SERPINI1: variants seen among roughly 807,000 people sequenced by gnomAD.
SERPINI1 encodes the protein serpin family I member 1.
In SERPINI1, 19 loss-of-function variants were observed where a neutral mutation model predicts 41.1. The ratio of observed to expected loss-of-function variants is 0.46; its 90% CI spans 0.32 to 0.68. The LOEUF is 0.68. Among genes scored for constraint, SERPINI1 ranks in the 30% least tolerant of loss-of-function variants. The pLI is 0.03. For missense variants in SERPINI1, 460 were observed against 479.2 expected, an observed-to-expected ratio of 0.96 and a Z score of 0.37; for synonymous variants, 138 against 156.6, an observed-to-expected ratio of 0.88 and a Z score of 0.89.
intron 1 of SERPINI1, among the ~76,000 whole-genome samples, chr3:167,736,943 A>C (rs1232219117): frequency 6.6e-6 from 1 of 152,090 alleles, no homozygotes; most frequent in Non-Finnish European, 1.5e-5. Flanking sequence ...ATATTGCAGC[A>C]AATTTTGCTC....
chr3:167,815,823 A>C (rs747182110), intron 6 of SERPINI1, among the ~76,000 whole-genome samples: 6 of 152,312 alleles, frequency 3.9e-5, no homozygotes, highest in Non-Finnish European at 7.3e-5. Context: ...ATGATATGGG[A>C]ATCCAAACGT....
chr3:167,761,953 T>C (rs1726395496), intron 1 of SERPINI1, among the ~76,000 whole-genome samples: 1 of 152,158 alleles, frequency 6.6e-6, no homozygotes, highest in South Asian at 2.1e-4. Context: ...GCTTAAGATA[T>C]TTCCATATGT....
intron 1 of SERPINI1, among the ~76,000 whole-genome samples, chr3:167,773,793 G>C (rs764550822): frequency 1.3e-5 from 2 of 151,980 alleles, no homozygotes; most frequent in Non-Finnish European, 2.9e-5. Flanking sequence ...TAAGTTTATG[G>C]GAGCTTTAAA....
At chr3:167,747,148 CA>C (rs1356050661) in intron 1 of SERPINI1, among the ~76,000 whole-genome samples, 7 of 152,140 alleles carry the variant, frequency 4.6e-5, no homozygotes, top group Non-Finnish European at 8.8e-5. Context: ...GCATATTAAG[CA>C]AAAACACCAA....
rs75804971 is a variant in SERPINI1 at position 167,809,973 on chromosome 3, T to A, written c.979+2632T>A. Among the ~76,000 whole-genome samples, 1,517 of 152,290 alleles carry A rather than the reference T, an allele frequency of 1.0e-2. 12 individuals carry two copies. Among genetic ancestry groups the A allele is most frequent in the Non-Finnish European group, 0.017 (1,139 of 68,012 alleles). On this transcript the variant is annotated intron_variant, in intron 6 of 8. Transcript: ENST00000446050. The stretch of plus-strand genomic sequence containing the variant: ...AGTCTTTCAGTGGGAATTCTTTGAT[T>A]ATTACATTATTAGTTTTGCCAGAGT...
At chr3:167,752,285 C>T (rs1360758644) in intron 1 of SERPINI1, among the ~76,000 whole-genome samples, 1 of 152,184 alleles carries the variant, frequency 6.6e-6, no homozygotes, top group Non-Finnish European at 1.5e-5. Context: ...ACTTTCTTAA[C>T]TCTCCAAGTG....
rs116082017 is a variant in SERPINI1, at chr3:167,814,748, C to G, written c.979+7407C>G. Among the ~76,000 whole-genome samples, 386 of 152,250 alleles carry G rather than the reference C, an allele frequency of 2.5e-3. 2 individuals are homozygous for G. Among genetic ancestry groups the G allele is most frequent in the African/African-American group, 9.1e-3 (378 of 41,534 alleles). The stretch of plus-strand genomic sequence containing the variant: ...TGAATGCCTTTGTAGTCTTGCCCTG[C>G]TTTTTTCAGAAGAGCTTGAATTATT... On this transcript the variant is annotated intron_variant, in intron 6 of 8. Coordinates refer to ENST00000446050, the MANE Select transcript of SERPINI1 (RefSeq NM_001122752.2).
At chr3:167,806,017 T>TCA (rs150721872) in intron 5 of SERPINI1, among the ~76,000 whole-genome samples, 9 of 152,196 alleles carry the variant, frequency 5.9e-5, no homozygotes, top group African/African-American at 2.2e-4. Flanking sequence ...AAAGACACAT[T>TCA]CACATGTATG....
At chr3:167,817,640 C>G (rs1200928659) in intron 6 of SERPINI1, among the ~76,000 whole-genome samples, 1 of 151,910 alleles carries the variant, frequency 6.6e-6, no homozygotes, top group Non-Finnish European at 1.5e-5. Context: ...CACTGTCGCC[C>G]AGGCTCGAGT....
intron 6 of SERPINI1, among the ~76,000 whole-genome samples, chr3:167,812,428 A>G (rs16851498): frequency 0.28 from 43,215 of 152,118 alleles, 7,203 homozygotes; most frequent in African/African-American, 0.45. Context: ...CTCTTCCACA[A>G]GAAAAATCTC....
chr3:167,798,968 G>A (rs1029931615), intron 5 of SERPINI1, among the ~76,000 whole-genome samples: 3 of 152,128 alleles, frequency 2.0e-5, no homozygotes, highest in East Asian at 1.9e-4. Flanking sequence ...ACCTACATAC[G>A]TATCCCTTGA....
chr3:167,750,383 G>T (rs1726003841), intron 1 of SERPINI1, among the ~76,000 whole-genome samples: 1 of 152,160 alleles, frequency 6.6e-6, no homozygotes. Context: ...AGTGTAGCTT[G>T]GGAAAGTAAG....
At chr3:167,814,842 C>T (rs866624504) in intron 6 of SERPINI1, among the ~76,000 whole-genome samples, 1 of 152,164 alleles carries the variant, frequency 6.6e-6, no homozygotes, top group Admixed American at 6.5e-5. Flanking sequence ...TGTAAAAATC[C>T]TGGCCTCATG....
At chr3:167,803,476 G>A (rs1711519519) in intron 5 of SERPINI1, among the ~76,000 whole-genome samples, 1 of 151,926 alleles carries the variant, frequency 6.6e-6, no homozygotes, top group African/African-American at 2.4e-5. Flanking sequence ...GATATTAATG[G>A]TATCTACTCC....
intron 1 of SERPINI1, among the ~76,000 whole-genome samples, chr3:167,741,570 T>C (rs1725677306): frequency 6.6e-6 from 1 of 152,260 alleles, no homozygotes; most frequent in African/African-American, 2.4e-5. Flanking sequence ...GCTAATTTTA[T>C]TGTTTTTATA....
At chr3:167,794,271 T>A (rs537707262) in intron 4 of SERPINI1, among the ~76,000 whole-genome samples, 3 of 152,286 alleles carry the variant, frequency 2.0e-5, no homozygotes, top group South Asian at 2.1e-4. Context: ...TAAAATAAAA[T>A]AAATTATACA....
intron 5 of SERPINI1, among the ~76,000 whole-genome samples, chr3:167,799,717 T>G (rs58651036): frequency 0.17 from 26,119 of 152,236 alleles, 2,446 homozygotes; most frequent in Non-Finnish European, 0.22. Context: ...GTTTTCTGAC[T>G]TTTTAATGAT....
At chr3:167,822,880 C>G in intron 6 of SERPINI1, 106 bp from the exon 7 acceptor site, 1 of 703,232 alleles carries the variant, frequency 1.4e-6, no homozygotes, top group Non-Finnish European at 2.6e-6. Flanking sequence ...CCTAGGTTTT[C>G]TTCAGTATCC....
In SERPINI1 at chr3:167,792,744, C is replaced by T. The variant is rs746668637; in HGVS notation, c.636C>T (p.Val212=). The change falls in exon 4 of 9, where the codon GTC becomes GTT. Residue 212 remains valine, a synonymous_variant. Transcript: ENST00000446050. ...FSFTKDDESE[V]QIPMMYQQGE... ...TCACTAAAGATGATGAAAGTGAAGT[C>T]CAAATTCCAATGATGTATCAGCAAG... The T allele has an allele frequency of 5.6e-6, 9 of 1,613,714 alleles. No homozygotes were observed. The highest frequency in any genetic ancestry group is 1.1e-5 in the South Asian group (1 of 91,060).
Sources: allele counts gnomAD v4.1 joint callset (sites outside exome capture counted in the v4.1 genomes callset), GRCh38; gene constraint gnomAD v4.1.1; transcripts MANE v1.5; gene names NCBI Gene and HGNC (gene_info 2026-07-23, HGNC 2026-07-21).